SH3RF3: variants seen among roughly 807,000 people sequenced by gnomAD.
SH3RF3 encodes the protein E3 ubiquitin-protein ligase SH3RF3.
Under a neutral mutation model 66.3 loss-of-function variants are expected in SH3RF3, and 29 were observed. That is an observed-to-expected ratio of 0.44 (90% CI 0.33 to 0.60). The LOEUF is 0.60. SH3RF3 is among the 20% of genes least tolerant of loss of function. The probability of loss-of-function intolerance (pLI) is 0.04; values close to 1 mark genes in which losing one functional copy is unlikely to be tolerated. For missense variants in SH3RF3, 1,194 were observed against 1,190.9 expected, an observed-to-expected ratio of 1.00 and a Z score of -0.04; for synonymous variants, 583 against 532.0, an observed-to-expected ratio of 1.10 and a Z score of -1.32.
rs746970916 is a variant in SH3RF3, at chr2:109,289,255, C to G, written c.574-58419C>G. 4.6e-5 allele frequency among the ~76,000 whole-genome samples: 7 copies of G among 152,352 alleles called. 1 individual carries two copies. The Middle Eastern group carries it at 0.024, about 518-fold the overall frequency. On this transcript the variant is annotated intron_variant, in intron 1 of 9. Transcript: ENST00000309415. The stretch of plus-strand genomic sequence containing the variant: ...TGTGCACACGGTGTAATGAATGCCA[C>G]ATTATCACCCACTGGCTGGGGTGAG...
Position 109,330,178 on chromosome 2 carries a change from G to A in SH3RF3, c.574-17496G>A, listed in dbSNP as rs1039640461. Among the ~76,000 whole-genome samples, 3 of 152,254 alleles carry A rather than the reference G, an allele frequency of 2.0e-5. No homozygotes were observed. The South Asian group carries it at 6.2e-4, about 32-fold the overall frequency. ...TTAGAGGGAACATGCTGGAAGGAATGTCTTCTGCCCAGTGTCTGTCCCACT... is the reference window on the plus strand; with the variant it reads ...TTAGAGGGAACATGCTGGAAGGAATATCTTCTGCCCAGTGTCTGTCCCACT... On this transcript the variant is annotated intron_variant, in intron 1 of 9. Coordinates refer to ENST00000309415, the MANE Select transcript of SH3RF3 (RefSeq NM_001099289.3).
intron 3 of SH3RF3, among the ~76,000 whole-genome samples, chr2:109,382,076 G>A (rs1470738427): frequency 4.6e-5 from 7 of 152,154 alleles, no homozygotes; most frequent in Admixed American, 4.6e-4. Flanking sequence ...TATGAGAAAG[G>A]GGTGTTTGTA....
chr2:109,264,360 G>T (rs1471853048), intron 1 of SH3RF3, among the ~76,000 whole-genome samples: 2 of 147,926 alleles, frequency 1.4e-5, no homozygotes, highest in Non-Finnish European at 3.0e-5. Context: ...CGAGTCTGTG[G>T]GTGCTCCCCG....
intron 1 of SH3RF3, among the ~76,000 whole-genome samples, chr2:109,233,588 T>C (rs1447156926): frequency 2.6e-5 from 4 of 152,332 alleles, no homozygotes; most frequent in Non-Finnish European, 5.9e-5. Flanking sequence ...AGGGCCATGG[T>C]GTCCAGGCTT....
chr2:109,129,959 T>A lies in SH3RF3; in HGVS notation c.419T>A (p.Ile140Asn), dbSNP rs1177779571. 7.0e-7 allele frequency: 1 copy of A among 1,429,530 alleles called. No homozygotes were observed. Among genetic ancestry groups the A allele is most frequent in the Admixed American group, 2.8e-5 (1 of 35,140 alleles). 88.6% of individuals were successfully genotyped at this position (1,429,530 alleles called of 1,614,324 possible). A position where few individuals can be genotyped will look rare whatever the true frequency, so the allele number is the denominator to read the frequency against. Residue 140 changes from isoleucine (I) to asparagine (N), a missense_variant, in exon 1 of 10, where the codon ATC becomes AAC. Ile to Asn is a moderately radical substitution (Grantham distance 149, BLOSUM62 -3). Transcript: ENST00000309415. The stretch of plus-strand genomic sequence containing the variant: ...GGCGGCAGCCCGCCCGCGCGTCCCA[T>A]CCCAGGCCAGAGTGCGGCCCCCACG... Reference protein sequence around the residue: ...SPGGSPPARPIPGQSAAPTLA... With the variant: ...SPGGSPPARPNPGQSAAPTLA...
At chr2:109,299,687 C>T (rs919505962) in intron 1 of SH3RF3, among the ~76,000 whole-genome samples, 6 of 152,150 alleles carry the variant, frequency 3.9e-5, no homozygotes, top group South Asian at 2.1e-4. Context: ...CAGTTCTGCC[C>T]GGAATGTTCT....
chr2:109,391,577 G>A (rs567638217), intron 3 of SH3RF3, among the ~76,000 whole-genome samples: 2 of 152,340 alleles, frequency 1.3e-5, no homozygotes, highest in African/African-American at 4.8e-5. Flanking sequence ...TCCCATAGCA[G>A]GTGTGTGGCC....
intron 3 of SH3RF3, among the ~76,000 whole-genome samples, chr2:109,372,918 TC>T (rs1180520121): frequency 6.6e-6 from 1 of 152,196 alleles, no homozygotes; most frequent in Non-Finnish European, 1.5e-5. Flanking sequence ...ATCTGTCAAT[TC>T]CCCGTTGCCT....
rs928110319 is a variant in SH3RF3 at position 109,284,750 on chromosome 2, G to A, written c.574-62924G>A. ...GCACACCTCTGCAGGTGAAGTCCCC[G>A]CATGGCTAAGCACATGTGTGTGGAG... On this transcript the variant is annotated intron_variant, in intron 1 of 9. Coordinates refer to ENST00000309415, the MANE Select transcript of SH3RF3 (RefSeq NM_001099289.3). Among the ~76,000 whole-genome samples, 7 of 152,132 alleles carry A rather than the reference G, an allele frequency of 4.6e-5. No individual in the cohort carries two copies. In the South Asian group the frequency reaches 6.2e-4, roughly 14 times the overall value.
At position 109,362,578 on chromosome 2, in the gene SH3RF3, C is replaced by G. The variant is rs1574598071; in HGVS notation, c.850-9008C>G. On this transcript the variant is annotated intron_variant, in intron 2 of 9. Transcript: ENST00000309415. The stretch of plus-strand genomic sequence containing the variant: ...ATATTATGTGGATGTCAGTTGTATC[C>G]AGTAGATTGATGGTGCCATTAAGTG... Among the ~76,000 whole-genome samples the G allele has an allele frequency of 2.0e-5, 3 of 152,070 alleles. No homozygotes were observed. The South Asian group carries it at 6.2e-4, about 32-fold the overall frequency.
Position 109,501,691 on chromosome 2 carries a change from C to A in SH3RF3, c.*20C>A. The A allele has an allele frequency of 1.3e-6, 1 of 743,744 alleles. No individual in the cohort carries two copies. Among genetic ancestry groups the A allele is most frequent in the Admixed American group, 1.9e-5 (1 of 53,764 alleles). The allele number at this position is 743,744 out of a possible 1,614,324, so 46.1% of individuals were successfully genotyped here. On this transcript the variant is annotated 3_prime_UTR_variant, in exon 10 of 10. Coordinates refer to ENST00000309415, the MANE Select transcript of SH3RF3 (RefSeq NM_001099289.3). ...TTCTGAGAACTGGTGCTCCCTGCACCCAGCTCACAGAGGGGGAGGCCGCCT... is the reference window on the plus strand; with the variant it reads ...TTCTGAGAACTGGTGCTCCCTGCACACAGCTCACAGAGGGGGAGGCCGCCT...
At chr2:109,354,042 G>C (rs1682895230) in intron 2 of SH3RF3, among the ~76,000 whole-genome samples, 1 of 152,268 alleles carries the variant, frequency 6.6e-6, no homozygotes, top group Non-Finnish European at 1.5e-5. Flanking sequence ...AGGTGGGGGA[G>C]CTGATGGTGG....
intron 3 of SH3RF3, among the ~76,000 whole-genome samples, chr2:109,387,699 A>G (rs73955571): frequency 0.014 from 2,106 of 152,180 alleles, 54 homozygotes; most frequent in African/African-American, 0.048. Flanking sequence ...TCACCATTCA[A>G]CGTCCTCTAT....
At chr2:109,413,584 A>C (rs1676649161) in intron 4 of SH3RF3, among the ~76,000 whole-genome samples, 1 of 152,126 alleles carries the variant, frequency 6.6e-6, no homozygotes, top group African/African-American at 2.4e-5. Context: ...AATGGAGAAC[A>C]GCTTTGTCTA....
chr2:109,393,806 C>G (rs1676066921), intron 3 of SH3RF3, among the ~76,000 whole-genome samples: 1 of 152,068 alleles, frequency 6.6e-6, no homozygotes, highest in Admixed American at 6.5e-5. Flanking sequence ...TGGGCACCTC[C>G]CACACCACTG....
intron 1 of SH3RF3, among the ~76,000 whole-genome samples, chr2:109,159,306 C>T (rs908002788): frequency 2.6e-5 from 4 of 152,200 alleles, no homozygotes; most frequent in Non-Finnish European, 4.4e-5. Flanking sequence ...GCTGCTGTAC[C>T]GCGGTTTCCT....
Position 109,449,247 on chromosome 2 carries a change from C to T in SH3RF3, c.1906C>T (p.Arg636Cys), listed in dbSNP as rs368090298. 4.2e-5 allele frequency: 67 copies of T among 1,612,654 alleles called. No homozygotes were observed. The highest frequency in any genetic ancestry group is 1.1e-4 in the African/African-American group (8 of 74,892). The change falls in exon 8 of 10, where the codon CGC becomes TGC. Residue 636 changes from arginine (R) to cysteine (C), a missense_variant. Arg to Cys is a radical substitution (Grantham distance 180, BLOSUM62 -3). Coordinates refer to ENST00000309415, the MANE Select transcript of SH3RF3 (RefSeq NM_001099289.3). ...SPLRTQNSPSRLPATSLRPHS... is the reference protein window; with the variant it reads ...SPLRTQNSPSCLPATSLRPHS... ...CCTGCGCACCCAGAACTCTCCATCCCGCCTGCCTGCCACCAGCCTCAGGCC... is the reference window on the plus strand; with the variant it reads ...CCTGCGCACCCAGAACTCTCCATCCTGCCTGCCTGCCACCAGCCTCAGGCC...
At chr2:109,403,163 C>T (rs1017459050) in intron 4 of SH3RF3, among the ~76,000 whole-genome samples, 1 of 152,236 alleles carries the variant, frequency 6.6e-6, no homozygotes, top group Non-Finnish European at 1.5e-5. Context: ...GGGGACACTT[C>T]CCTGCTTCTC....
At chr2:109,450,150 A>T (rs373701325) in intron 8 of SH3RF3, among the ~76,000 whole-genome samples, 89 of 152,230 alleles carry the variant, frequency 5.8e-4, no homozygotes, top group South Asian at 1.5e-3. Flanking sequence ...GTTTGAAACC[A>T]GCCTGGCCAA....
Sources: gnomAD v4.1 joint callset for allele counts (sites outside exome capture counted in the v4.1 genomes callset) on GRCh38, gnomAD v4.1.1 for gene constraint, MANE v1.5 for transcripts, NCBI Gene and HGNC (gene_info 2026-07-23, HGNC 2026-07-21) for gene names.